The following TMEM117 variants were observed in gnomAD, a reference collection of about 807,000 sequenced individuals.
TMEM117 encodes the protein transmembrane protein 117.
In TMEM117, 27 loss-of-function variants were observed where a neutral mutation model predicts 52.4. The observed-to-expected ratio is 0.51, with a 90% CI of 0.38 to 0.71. The LOEUF (loss-of-function observed/expected upper bound fraction) is 0.71. Ranked by LOEUF, TMEM117 falls within the 30% of genes least tolerant of loss-of-function variation. The probability of loss-of-function intolerance (pLI) is 0.00; values close to 1 mark genes in which losing one functional copy is unlikely to be tolerated. For synonymous variants in TMEM117, 215 were observed against 206.3 expected (o/e 1.04, Z -0.36); for missense variants, 556 against 630.5 (o/e 0.88, Z 1.26).
intron 3 of TMEM117, among the ~76,000 whole-genome samples, chr12:44,127,361 T>G (rs1948342496): frequency 6.6e-6 from 1 of 152,116 alleles, no homozygotes; most frequent in African/African-American, 2.4e-5. Context: ...ATTTTGTAGA[T>G]ATAGTTGACA....
chr12:44,095,521 A>G (rs1947743320), intron 3 of TMEM117, among the ~76,000 whole-genome samples: 1 of 152,184 alleles, frequency 6.6e-6, no homozygotes, highest in East Asian at 1.9e-4. Context: ...TTAGTTGAAT[A>G]GAGGCTGGAT....
At chr12:44,096,559 G>A (rs1311583913) in intron 3 of TMEM117, among the ~76,000 whole-genome samples, 17 of 151,292 alleles carry the variant, frequency 1.1e-4, no homozygotes, top group Non-Finnish European at 2.2e-4. Context: ...AAATAATGCC[G>A]CATATCTACA....
intron 4 of TMEM117, among the ~76,000 whole-genome samples, chr12:44,205,649 G>A (rs1286983491): frequency 6.6e-6 from 1 of 151,970 alleles, no homozygotes; most frequent in Non-Finnish European, 1.5e-5. Context: ...TGGCCAACAA[G>A]CATATGAAGA....
At chr12:44,150,234 A>G (rs1948701480) in intron 4 of TMEM117, among the ~76,000 whole-genome samples, 1 of 152,234 alleles carries the variant, frequency 6.6e-6, no homozygotes, top group African/African-American at 2.4e-5. Context: ...TCTCTAAGAA[A>G]AAAAGCATGC....
At chr12:44,105,321 A>G (rs1947934225) in intron 3 of TMEM117, among the ~76,000 whole-genome samples, 1 of 151,884 alleles carries the variant, frequency 6.6e-6, no homozygotes, top group Admixed American at 6.6e-5. Context: ...GAATTTTTAA[A>G]TTATTTCTAT....
intron 5 of TMEM117, among the ~76,000 whole-genome samples, chr12:44,216,546 G>C (rs1187867131): frequency 1.3e-5 from 2 of 152,178 alleles, no homozygotes; most frequent in African/African-American, 4.8e-5. Flanking sequence ...ATAACGGAAA[G>C]CTGAAATTTG....
At chr12:44,207,803 T>TAA (rs111798692) in intron 4 of TMEM117, among the ~76,000 whole-genome samples, 6 of 140,786 alleles carry the variant, frequency 4.3e-5, no homozygotes, top group South Asian at 2.3e-4. Flanking sequence ...TTGCCCTAAA[T>TAA]AAAAAAAAAA....
chr12:44,356,434 C>T (rs933865213), intron 6 of TMEM117, among the ~76,000 whole-genome samples: 2 of 151,976 alleles, frequency 1.3e-5, no homozygotes, highest in Non-Finnish European at 2.9e-5. Context: ...CAGAGTAATA[C>T]CTCACTAGGT....
At chr12:43,801,882 T>G in the TMEM117 span, among the ~76,000 whole-genome samples, 1 of 152,014 alleles carries the variant, frequency 6.6e-6, no homozygotes, top group Admixed American at 6.6e-5. Context: ...ATATAAAAAT[T>G]AGCTGGGCGT....
At chr12:43,999,150 T>A (rs1946077214) in intron 3 of TMEM117, among the ~76,000 whole-genome samples, 1 of 152,206 alleles carries the variant, frequency 6.6e-6, no homozygotes, top group African/African-American at 2.4e-5. Flanking sequence ...ATATCAATAT[T>A]CCAGTCATTC....
downstream of TMEM117, among the ~76,000 whole-genome samples, chr12:44,391,682 C>A (rs1020579829): frequency 6.6e-6 from 1 of 152,134 alleles, no homozygotes; most frequent in African/African-American, 2.4e-5. Flanking sequence ...ATGAGAAAGA[C>A]AATGCTAATA....
chr12:44,025,193 G>A (rs1004932709), intron 3 of TMEM117, among the ~76,000 whole-genome samples: 1 of 152,124 alleles, frequency 6.6e-6, no homozygotes, highest in African/African-American at 2.4e-5. Context: ...GTGAATTAAA[G>A]ACTCCATCTT....
chr12:44,398,914 TTATTTGTATGGCTCAATCCTG>T, the TMEM117 span, among the ~76,000 whole-genome samples: 10 of 152,210 alleles, frequency 6.6e-5, no homozygotes, highest in Admixed American at 3.9e-4. Context: ...TTCCCTCTAG[TTATTTGTATGGCTCAATCCTG>T]TATATCTAGT....
chr12:44,157,592 G>A (rs1948843902), intron 4 of TMEM117, among the ~76,000 whole-genome samples: 1 of 151,888 alleles, frequency 6.6e-6, no homozygotes, highest in Non-Finnish European at 1.5e-5. Flanking sequence ...AAATAATGAG[G>A]TCGGCTGTAA....
At chr12:43,932,406 G>A (rs1490878571) in intron 2 of TMEM117, among the ~76,000 whole-genome samples, 1 of 146,344 alleles carries the variant, frequency 6.8e-6, no homozygotes, top group African/African-American at 2.5e-5. Context: ...TTTTGATGGT[G>A]ATCACCAAAG....
intron 3 of TMEM117, among the ~76,000 whole-genome samples, chr12:44,069,848 G>A (rs1489589835): frequency 6.6e-6 from 1 of 152,158 alleles, no homozygotes; most frequent in Non-Finnish European, 1.5e-5. Flanking sequence ...GCCTTTCCAT[G>A]ATGAAATCAG....
rs541307636 is a variant in TMEM117 at position 44,275,851 on chromosome 12, T to G, written c.609-23729T>G. Among the ~76,000 whole-genome samples the G allele has an allele frequency of 2.0e-5, 3 of 151,934 alleles. No homozygotes were observed. The South Asian group carries it at 6.3e-4, about 32-fold the overall frequency. ...GAATGGTTAATGGGTACAATAGAGA[T>G]AGTGAGGAAGAATGAATAAGACCTA... On this transcript the variant is annotated intron_variant, in intron 5 of 7. Coordinates refer to ENST00000266534, the MANE Select transcript of TMEM117 (RefSeq NM_032256.3).
intron 2 of TMEM117, among the ~76,000 whole-genome samples, chr12:43,885,408 T>C (rs2464103): frequency 0.71 from 99,554 of 140,752 alleles, 38,279 homozygotes; most frequent in East Asian, 0.87. Flanking sequence ...ATTTTCTTTT[T>C]CTTTTCTTTT....
chr12:44,131,708 C>T (rs534020719), intron 3 of TMEM117, among the ~76,000 whole-genome samples: 10 of 151,786 alleles, frequency 6.6e-5, no homozygotes, highest in Non-Finnish European at 7.4e-5. Flanking sequence ...AGTAAGAATC[C>T]GTCTTAATTT....
Sources: gnomAD v4.1 joint callset for allele counts (sites outside exome capture counted in the v4.1 genomes callset) on GRCh38, gnomAD v4.1.1 for gene constraint, MANE v1.5 for transcripts, NCBI Gene and HGNC (gene_info 2026-07-23, HGNC 2026-07-21) for gene names.